Variants in AGMO observed in about 807,000 individuals in gnomAD.
AGMO encodes alkylglycerol monooxygenase.
Under a neutral mutation model 60.2 loss-of-function variants are expected in AGMO, and 75 were observed. The observed-to-expected ratio is 1.25, with a 90% CI of 1.03 to 1.51. The LOEUF (loss-of-function observed/expected upper bound fraction) is 1.51. Ranked by LOEUF, AGMO falls within the 40% of genes most tolerant of loss-of-function variation. The probability of loss-of-function intolerance (pLI) is 0.00; values close to 1 mark genes in which losing one functional copy is unlikely to be tolerated. For synonymous variants in AGMO, 261 were observed against 177.1 expected, an observed-to-expected ratio of 1.47 and a Z score of -3.76; for missense variants, 763 against 525.5, an observed-to-expected ratio of 1.45 and a Z score of -4.42.
At chr7:15,271,997 T>A (rs888587474) in intron 12 of AGMO, among the ~76,000 whole-genome samples, 7 of 152,180 alleles carry the variant, frequency 4.6e-5, no homozygotes, top group Non-Finnish European at 8.8e-5. Context: ...TTCATATTGT[T>A]AAACCATCTT....
At chr7:15,294,483 C>A (rs1275508939) in intron 12 of AGMO, among the ~76,000 whole-genome samples, 1 of 150,264 alleles carries the variant, frequency 6.7e-6, no homozygotes, top group African/African-American at 2.5e-5. Flanking sequence ...TTATAAAATA[C>A]AATAAAACCT....
intron 3 of AGMO, among the ~76,000 whole-genome samples, chr7:15,514,475 A>C (rs1039718865): frequency 6.6e-6 from 1 of 152,214 alleles, no homozygotes; most frequent in African/African-American, 2.4e-5. Context: ...TATAGTATTT[A>C]TGCCCATGTT....
chr7:15,323,162 G>C (rs1181818811), intron 12 of AGMO, among the ~76,000 whole-genome samples: 4 of 151,878 alleles, frequency 2.6e-5, no homozygotes, highest in African/African-American at 9.7e-5. Flanking sequence ...CCAATATAAA[G>C]AGATGATAAG....
intron 3 of AGMO, among the ~76,000 whole-genome samples, chr7:15,528,095 C>A (rs1031541303): frequency 7.2e-5 from 11 of 152,090 alleles, no homozygotes; most frequent in African/African-American, 2.7e-4. Flanking sequence ...TCCAGCCTTA[C>A]TATTTAATAA....
At chr7:15,529,405 TAC>T in intron 3 of AGMO, among the ~76,000 whole-genome samples, 1 of 149,398 alleles carries the variant, frequency 6.7e-6, no homozygotes, top group Admixed American at 6.8e-5. Flanking sequence ...TAATTTGGGC[TAC>T]ACACTAAAGT....
At chr7:15,357,088 C>T (rs1583451303) in intron 12 of AGMO, among the ~76,000 whole-genome samples, 2 of 149,266 alleles carry the variant, frequency 1.3e-5, no homozygotes, top group East Asian at 3.9e-4. Flanking sequence ...TGCACCATTG[C>T]ACAGAAGCGA....
chr7:15,393,888 A>G (rs1430468406), intron 6 of AGMO, among the ~76,000 whole-genome samples: 2 of 152,168 alleles, frequency 1.3e-5, no homozygotes, highest in Non-Finnish European at 2.9e-5. Flanking sequence ...AGAAAAATCC[A>G]AAAGTCAGAT....
At chr7:15,165,215 A>G in the AGMO span, among the ~76,000 whole-genome samples, 1 of 152,062 alleles carries the variant, frequency 6.6e-6, no homozygotes, top group Non-Finnish European at 1.5e-5. Context: ...AATAATAGAC[A>G]CTAGGGATGC....
chr7:15,237,266 C>G (rs1782451405), intron 12 of AGMO, among the ~76,000 whole-genome samples: 1 of 152,082 alleles, frequency 6.6e-6, no homozygotes, highest in South Asian at 2.1e-4. Flanking sequence ...GTTCTTTCTT[C>G]TTTGGAGGGT....
chr7:15,343,442 T>TAAG (rs1490214800), intron 12 of AGMO, among the ~76,000 whole-genome samples: 1 of 152,172 alleles, frequency 6.6e-6, no homozygotes. Flanking sequence ...ATCTTAGGAT[T>TAAG]AAGAGATTTT....
intron 10 of AGMO, among the ~76,000 whole-genome samples, chr7:15,385,087 TAA>T (rs1783860820): frequency 6.6e-6 from 1 of 152,200 alleles, no homozygotes; most frequent in Non-Finnish European, 1.5e-5. Flanking sequence ...TAAGTGAAGG[TAA>T]GTATGTTGAA....
chr7:15,555,300 C>T (rs1005375319), intron 2 of AGMO, among the ~76,000 whole-genome samples: 18,686 of 118,484 alleles, frequency 0.16, 1,939 homozygotes, highest in African/African-American at 0.42. Context: ...TATACACACA[C>T]ACACACACAC....
intron 8 of AGMO, 38 bp downstream of exon 8, chr7:15,390,633 G>T (rs755436363): frequency 1.4e-6 from 2 of 1,402,860 alleles, no homozygotes; most frequent in Non-Finnish European, 9.9e-7. Flanking sequence ...TTTATGAAAT[G>T]ATATAAATGA....
chr7:15,328,590 T>G (rs975526028), intron 12 of AGMO, among the ~76,000 whole-genome samples: 3 of 152,186 alleles, frequency 2.0e-5, no homozygotes, highest in African/African-American at 4.8e-5. Context: ...AGGGTCTTAT[T>G]TTGCTATGCC....
intron 4 of AGMO, among the ~76,000 whole-genome samples, chr7:15,420,481 T>C (rs1005272604): frequency 1.3e-5 from 2 of 152,114 alleles, no homozygotes; most frequent in Non-Finnish European, 2.9e-5. Flanking sequence ...AAAATATAGG[T>C]GAGGAAATAA....
the AGMO span, among the ~76,000 whole-genome samples, chr7:15,119,821 C>T: frequency 3.9e-5 from 6 of 151,950 alleles, no homozygotes; most frequent in African/African-American, 1.4e-4. Flanking sequence ...AAAATGGAAA[C>T]AATTAGAAAA....
chr7:15,444,958 G>C (rs1485531966), intron 3 of AGMO, among the ~76,000 whole-genome samples: 1 of 152,156 alleles, frequency 6.6e-6, no homozygotes, highest in Non-Finnish European at 1.5e-5. Flanking sequence ...CTGACATCTA[G>C]GGAGGACTTC....
intron 3 of AGMO, among the ~76,000 whole-genome samples, chr7:15,466,424 T>C (rs894963169): frequency 8.5e-5 from 13 of 152,180 alleles, no homozygotes; most frequent in African/African-American, 2.4e-4. Flanking sequence ...ATGCAACATA[T>C]CACCGTGAGC....
intron 6 of AGMO, among the ~76,000 whole-genome samples, chr7:15,393,852 A>G (rs948067426): frequency 6.6e-6 from 1 of 152,186 alleles, no homozygotes; most frequent in Non-Finnish European, 1.5e-5. Flanking sequence ...ATTTTCTACA[A>G]CAGTGGAGCT....
Sources: allele counts gnomAD v4.1 joint callset (sites outside exome capture counted in the v4.1 genomes callset), GRCh38; gene constraint gnomAD v4.1.1; transcripts MANE v1.5; gene names NCBI Gene and HGNC (gene_info 2026-07-23, HGNC 2026-07-21).